Variants in NEBL observed in about 807,000 individuals in gnomAD.
The protein encoded by NEBL is nebulette.
NEBL carries 122 observed loss-of-function variants against 140.2 expected under a neutral mutation model. The ratio of observed to expected loss-of-function variants is 0.87; its 90% CI spans 0.75 to 1.01. NEBL has a LOEUF of 1.01. Ranked by LOEUF, NEBL falls within the 50% of genes least tolerant of loss-of-function variation. NEBL has a pLI of 0.00. For synonymous variants in NEBL, 436 were observed against 398.9 expected (o/e 1.09, Z -1.11); for missense variants, 1,365 against 1,231.3 (o/e 1.11, Z -1.62).
At chr10:21,287,379 T>A (rs924234084) in intron 1 of NEBL, among the ~76,000 whole-genome samples, 3 of 151,864 alleles carry the variant, frequency 2.0e-5, no homozygotes, top group Non-Finnish European at 4.4e-5. Flanking sequence ...CTCCCAAAAA[T>A]ACAAAAACTA....
chr10:21,024,654 T>G (rs188705387), intron 2 of NEBL, among the ~76,000 whole-genome samples: 126 of 152,088 alleles, frequency 8.3e-4, no homozygotes, highest in African/African-American at 3.0e-3. Flanking sequence ...ACAATATCTG[T>G]AGGAACCTAA....
chr10:21,125,354 C>A (rs913008228), intron 2 of NEBL, among the ~76,000 whole-genome samples: 2 of 152,124 alleles, frequency 1.3e-5, no homozygotes, highest in Non-Finnish European at 1.5e-5. Flanking sequence ...CATAAGACTC[C>A]TATGAAAGGG....
At chr10:21,092,798 A>G (rs1253950243) in intron 2 of NEBL, among the ~76,000 whole-genome samples, 1 of 152,062 alleles carries the variant, frequency 6.6e-6, no homozygotes, top group Non-Finnish European at 1.5e-5. Context: ...GATATTTCTT[A>G]TGAAGAATGA....
chr10:21,002,900 C>G (rs1025622492), intron 3 of NEBL, among the ~76,000 whole-genome samples: 1 of 151,834 alleles, frequency 6.6e-6, no homozygotes, highest in Non-Finnish European at 1.5e-5. Context: ...TTAGTGAGGT[C>G]TCTTTCACAC....
intron 4 of NEBL, among the ~76,000 whole-genome samples, chr10:20,934,546 G>C (rs1450460787): frequency 6.6e-6 from 1 of 152,130 alleles, no homozygotes; most frequent in African/African-American, 2.4e-5. Flanking sequence ...TGAAACCCGT[G>C]CTATCCACGA....
chr10:20,979,759 T>C (rs1052430272), intron 3 of NEBL, among the ~76,000 whole-genome samples: 2 of 152,204 alleles, frequency 1.3e-5, no homozygotes, highest in African/African-American at 4.8e-5. Context: ...TGCGCTGGAA[T>C]ACAGTGGTGC....
intron 2 of NEBL, among the ~76,000 whole-genome samples, chr10:21,032,930 T>G (rs1320382811): frequency 2.0e-5 from 3 of 152,248 alleles, no homozygotes; most frequent in Non-Finnish European, 2.9e-5. Context: ...AAACCTGACC[T>G]ACCCTACTAT....
At chr10:20,956,992 A>T (rs763736432) in intron 4 of NEBL, among the ~76,000 whole-genome samples, 10 of 152,166 alleles carry the variant, frequency 6.6e-5, no homozygotes, top group Non-Finnish European at 1.3e-4. Context: ...ACTCAATTTC[A>T]CACTGTCAGC....
At position 21,173,827 on chromosome 10, in the gene NEBL, G is replaced by A. The variant is rs1177238831; in HGVS notation, c.7C>T (p.Pro3Ser). The A allele has an allele frequency of 6.2e-7, 1 of 1,612,260 alleles. No individual in the cohort carries two copies. The change falls in exon 1 of 7, where the codon CCC (proline) becomes TCC (serine). Residue 3 changes from proline (P) to serine (S), a missense_variant. Physicochemically the swap from Pro to Ser is moderately conservative, Grantham distance 74. Coordinates refer to the NEBL transcript ENST00000417816. The surrounding 1 kb of genome is among the most constrained non-coding windows in gnomAD (Gnocchi z 5.7). ...ACTTTTCCGCAACGGGCGCACTGGG[G>A]GTTCATGATCGCGGTTCCCGGGGGC...
chr10:21,247,231 A>C (rs1450200915), intron 3 of NEBL, among the ~76,000 whole-genome samples: 1 of 152,224 alleles, frequency 6.6e-6, no homozygotes, highest in Non-Finnish European at 1.5e-5. Flanking sequence ...TATTTATAGC[A>C]GTGTGAGAAC....
At position 20,831,202 on chromosome 10, in the gene NEBL, A is replaced by G. The variant is rs535928504; in HGVS notation, c.1665T>C (p.Tyr555=). The G allele has an allele frequency of 6.2e-7, 1 of 1,609,630 alleles. No homozygotes were observed. Among genetic ancestry groups the G allele is most frequent in the South Asian group, 1.1e-5 (1 of 90,988 alleles). ...ATCTTCATTCATGACCAACCTGGCTATAGATTTCAGATGTCCTCTTGGCTC... is the reference window on the plus strand; with the variant it reads ...ATCTTCATTCATGACCAACCTGGCTGTAGATTTCAGATGTCCTCTTGGCTC... The part of the protein sequence containing the change: ...ILRAKRTSEI[Y]SQRKYKDEAE... The change falls in exon 16 of 28, where the codon TAT becomes TAC. Residue 555 remains tyrosine, a synonymous_variant. Coordinates refer to ENST00000377122, the MANE Select transcript of NEBL (RefSeq NM_006393.3).
At position 21,129,370 on chromosome 10, in the gene NEBL, T is replaced by C. The variant is rs576354432; in HGVS notation, c.164+43013A>G. Among the ~76,000 whole-genome samples, 29 of 152,178 alleles carry C rather than the reference T, an allele frequency of 1.9e-4. 2 individuals carry two copies. Among genetic ancestry groups the C allele is most frequent in the African/African-American group, 7.0e-4 (29 of 41,560 alleles). On this transcript the variant is annotated intron_variant, in intron 2 of 6. Coordinates refer to the NEBL transcript ENST00000417816. ...CAAGCCATCCTCCCACCTTAGCCTT[T>C]TGAGTGGCTAGGAATACAGGCATGT...
At chr10:21,054,280 T>C (rs1276656080) in intron 2 of NEBL, among the ~76,000 whole-genome samples, 3 of 152,158 alleles carry the variant, frequency 2.0e-5, no homozygotes, top group Non-Finnish European at 4.4e-5. Flanking sequence ...TTATCATTAC[T>C]ATTAACAAGA....
At chr10:21,143,448 C>CAAAAAAA (rs72021692) in intron 2 of NEBL, among the ~76,000 whole-genome samples, 16 of 66,418 alleles carry the variant, frequency 2.4e-4, no homozygotes, top group East Asian at 4.6e-4. Flanking sequence ...AACTTCATCT[C>CAAAAAAA]AAAAAAAAAA....
At chr10:20,921,665 CTCTT>C (rs1440112430) in intron 4 of NEBL, among the ~76,000 whole-genome samples, 1 of 152,158 alleles carries the variant, frequency 6.6e-6, no homozygotes, top group East Asian at 1.9e-4. Context: ...TCTGCAAACT[CTCTT>C]TATTTGCCAA....
rs1837960150 is a variant in NEBL at position 20,809,866 on chromosome 10, T to C, written c.2551A>G (p.Ile851Val). 6.2e-7 allele frequency: 1 copy of C among 1,610,536 alleles called. No individual in the cohort carries two copies. Among genetic ancestry groups the C allele is most frequent in the Admixed American group, 1.7e-5 (1 of 59,398 alleles). The change falls in exon 25 of 28, where the codon ATC becomes GTC. Residue 851 changes from isoleucine (I) to valine (V), a missense_variant. By Grantham distance (29) the Ile-to-Val change is conservative. Transcript: ENST00000377122. Reference sequence around the variant, plus strand: ...TCTTCCAGGGGATCAAGGTCGAAGATGGAGCCAGGATCTGTGCGCCAAACT... The same window carrying C: ...TCTTCCAGGGGATCAAGGTCGAAGACGGAGCCAGGATCTGTGCGCCAAACT... Reference protein sequence around the residue: ...LKVWRTDPGSIFDLDPLEDNI... With the variant: ...LKVWRTDPGSVFDLDPLEDNI...
intron 4 of NEBL, among the ~76,000 whole-genome samples, chr10:20,931,278 A>AT (rs1834170748): frequency 6.6e-6 from 1 of 152,200 alleles, no homozygotes; most frequent in Non-Finnish European, 1.5e-5. Flanking sequence ...TTAAAAAAAA[A>AT]TCTTTGGCAC....
chr10:21,153,860 G>A (rs1321772153), intron 2 of NEBL, among the ~76,000 whole-genome samples: 5 of 152,096 alleles, frequency 3.3e-5, no homozygotes, highest in Admixed American at 1.3e-4. Flanking sequence ...ATAAACGTAA[G>A]TCTTTACATC....
intron 7 of NEBL, 38 bp downstream of exon 7, chr10:20,868,626 T>C: frequency 7.4e-7 from 1 of 1,345,414 alleles, no homozygotes; most frequent in Non-Finnish European, 1.1e-6. Flanking sequence ...ACAAAATATC[T>C]GAATAAAGTC....
Sources: gnomAD v4.1 joint callset for allele counts (sites outside exome capture counted in the v4.1 genomes callset) on GRCh38, gnomAD v4.1.1 for gene constraint, Gnocchi (gnomAD v3.1) non-coding constraint, MANE v1.5 for transcripts, NCBI Gene and HGNC (gene_info 2026-07-23, HGNC 2026-07-21) for gene names.